SLC39A10: variants seen among roughly 807,000 people sequenced by gnomAD.
SLC39A10 encodes the protein zinc transporter ZIP10.
A neutral mutation model predicts 65.1 loss-of-function variants in SLC39A10; 13 were observed. The observed-to-expected ratio is 0.20, with a 90% CI of 0.13 to 0.32. The LOEUF (loss-of-function observed/expected upper bound fraction) is 0.32. Ranked by LOEUF, SLC39A10 falls within the 10% of genes least tolerant of loss-of-function variation. The probability of loss-of-function intolerance (pLI) is 1.00; values close to 1 mark genes in which losing one functional copy is unlikely to be tolerated. For missense variants in SLC39A10, 831 were observed against 1,018.4 expected, an observed-to-expected ratio of 0.82 and a Z score of 2.50; for synonymous variants, 321 against 342.2, an observed-to-expected ratio of 0.94 and a Z score of 0.68.
upstream of SLC39A10, chr2:195,656,817 C>A (rs186526206): frequency 3.3e-5 from 5 of 152,362 alleles, no homozygotes; most frequent in Non-Finnish European, 7.3e-5. Context: ...TCGCCTTGCC[C>A]AAGGCCTCAG....
chr2:195,641,112 G>A lies in SLC39A10; in HGVS notation c.-12+34879G>A, dbSNP rs115105837. ...AGACATCCTGGTGCAGGGAGCGGGAGATAAGTGGGCCACAAATGTAGCACA... is the reference window on the plus strand; with the variant it reads ...AGACATCCTGGTGCAGGGAGCGGGAAATAAGTGGGCCACAAATGTAGCACA... On this transcript the variant is annotated intron_variant, in intron 2 of 2. Coordinates refer to the SLC39A10 transcript ENST00000458054. Among the ~76,000 whole-genome samples, 360 of 152,356 alleles carry A rather than the reference G, an allele frequency of 2.4e-3. 6 individuals carry two copies. Among genetic ancestry groups the A allele is most frequent in the African/African-American group, 8.3e-3 (345 of 41,576 alleles).
chr2:195,664,583 A>C (rs1488598799), intron 1 of SLC39A10, among the ~76,000 whole-genome samples: 1 of 152,166 alleles, frequency 6.6e-6, no homozygotes, highest in Non-Finnish European at 1.5e-5. Flanking sequence ...GTAAAAGCTC[A>C]TATATGTTGG....
At chr2:195,694,693 G>A (rs925709252) in intron 3 of SLC39A10, among the ~76,000 whole-genome samples, 10 of 152,168 alleles carry the variant, frequency 6.6e-5, no homozygotes, top group Non-Finnish European at 1.3e-4. Flanking sequence ...CTTGATTTTA[G>A]TTTTGTTTGG....
At chr2:195,664,697 A>G (rs1472007976) in intron 1 of SLC39A10, among the ~76,000 whole-genome samples, 1 of 152,222 alleles carries the variant, frequency 6.6e-6, no homozygotes, top group Admixed American at 6.5e-5. Context: ...TGAGAGTGCT[A>G]TGATCATACT....
chr2:195,652,146 T>C (rs557066104), upstream of SLC39A10, among the ~76,000 whole-genome samples: 1 of 152,268 alleles, frequency 6.6e-6, no homozygotes, highest in South Asian at 2.1e-4. Context: ...GATTTTCTGA[T>C]TGGCAGTTGG....
At chr2:195,615,696 A>T (rs1688192193) in intron 2 of SLC39A10, among the ~76,000 whole-genome samples, 3 of 152,176 alleles carry the variant, frequency 2.0e-5, no homozygotes, top group Non-Finnish European at 4.4e-5. Flanking sequence ...CCCTAGAGAC[A>T]TGTGATTTTC....
Position 195,625,216 on chromosome 2 carries a change from C to CG in SLC39A10, c.-12+18983_-12+18984insG, listed in dbSNP as rs1553491753. On this transcript the variant is annotated intron_variant, in intron 2 of 2. Transcript: ENST00000458054. ...TGTGCGACAGAGGGACACTCTGTCT[C>CG]AAAAAAAAAGAAAGAAAGAAAGAAA... is the stretch of plus-strand genomic sequence containing the variant. 2.8e-3 allele frequency among the ~76,000 whole-genome samples: 300 copies of CG among 108,548 alleles called. 37 individuals carry two copies. In the East Asian group the frequency reaches 0.058, roughly 21 times the overall value. The allele number at this position is 108,548 out of a possible 152,430, so 71.2% of individuals were successfully genotyped here.
At chr2:195,730,780 G>T (rs1386168480) in intron 9 of SLC39A10, among the ~76,000 whole-genome samples, 3 of 152,120 alleles carry the variant, frequency 2.0e-5, no homozygotes, top group Non-Finnish European at 2.9e-5. Flanking sequence ...AGCTCTTGAC[G>T]TTGCCAACAC....
chr2:195,690,176 A>AT (rs1251865872), intron 3 of SLC39A10, among the ~76,000 whole-genome samples: 1 of 130,374 alleles, frequency 7.7e-6, no homozygotes, highest in East Asian at 2.0e-4. Context: ...ACTCTCTGAA[A>AT]AAAAAAAAAA....
intron 6 of SLC39A10, among the ~76,000 whole-genome samples, chr2:195,716,403 C>T (rs1691811280): frequency 6.6e-6 from 1 of 152,084 alleles, no homozygotes; most frequent in African/African-American, 2.4e-5. Flanking sequence ...TCCCCCCAAA[C>T]CCAATTTCTT....
At position 195,731,592 on chromosome 2, in the gene SLC39A10, C is replaced by T. The variant is rs182186186; in HGVS notation, c.2337+3243C>T. ...TTACATCTGTAACACTAGAAAGTTA[C>T]AGATACAAGAAGAATGAGTCTTTAC... On this transcript the variant is annotated intron_variant, in intron 9 of 9. Transcript: ENST00000359634. Among the ~76,000 whole-genome samples the T allele has an allele frequency of 1.1e-4, 16 of 152,150 alleles. No homozygotes were observed. The East Asian group carries it at 3.1e-3, about 29-fold the overall frequency.
upstream of SLC39A10, among the ~76,000 whole-genome samples, chr2:195,656,424 A>AT (rs998692166): frequency 4.6e-5 from 7 of 152,224 alleles, no homozygotes; most frequent in East Asian, 1.9e-4. Flanking sequence ...CTGGATCGGG[A>AT]TTTTTTTGTC....
At chr2:195,621,275 A>C (rs1405788156) in intron 2 of SLC39A10, among the ~76,000 whole-genome samples, 1 of 152,224 alleles carries the variant, frequency 6.6e-6, no homozygotes, top group Non-Finnish European at 1.5e-5. Flanking sequence ...TATGTAGTAC[A>C]TATAGATATA....
Position 195,683,826 on chromosome 2 carries a change from A to C in SLC39A10, c.1136A>C (p.His379Pro). The change falls in exon 3 of 10, where the codon CAT (histidine) becomes CCT (proline). Residue 379 changes from histidine to proline, a missense_variant. This residue lies in a region of SLC39A10 where 446 missense variants were observed against 499.2 expected (regional missense o/e 0.89). Coordinates refer to ENST00000359634, the MANE Select transcript of SLC39A10 (RefSeq NM_020342.3). The stretch of plus-strand genomic sequence containing the variant: ...ATCGACAGCAGACTTTGTATTGAGC[A>C]TTTTGACAAACTTTTAGTTGAAGAT... ...YQIDSRLCIE[H>P]FDKLLVEDIN... 1 of 1,613,392 alleles carries C rather than the reference A, an allele frequency of 6.2e-7. No homozygotes were observed. The highest frequency in any genetic ancestry group is 8.5e-7 in the Non-Finnish European group (1 of 1,179,510).
At chr2:195,636,707 C>G (rs534944769) in intron 2 of SLC39A10, among the ~76,000 whole-genome samples, 1 of 152,098 alleles carries the variant, frequency 6.6e-6, no homozygotes, top group Admixed American at 6.5e-5. Context: ...GAGCCTAGAT[C>G]GCGCCACTGC....
intron 2 of SLC39A10, among the ~76,000 whole-genome samples, chr2:195,625,472 T>G (rs1688453322): frequency 6.6e-6 from 1 of 151,766 alleles, no homozygotes; most frequent in South Asian, 2.1e-4. Context: ...AGACGGGGTT[T>G]CTCCATATTG....
intron 3 of SLC39A10, among the ~76,000 whole-genome samples, chr2:195,704,113 T>G (rs1483972897): frequency 6.6e-6 from 1 of 152,182 alleles, no homozygotes; most frequent in Non-Finnish European, 1.5e-5. Flanking sequence ...GTTCTGGCAG[T>G]CCCCATTCAC....
At chr2:195,624,055 G>A (rs1182893703) in intron 2 of SLC39A10, among the ~76,000 whole-genome samples, 1 of 152,090 alleles carries the variant, frequency 6.6e-6, no homozygotes, top group African/African-American at 2.4e-5. Context: ...TCATTTACCA[G>A]TCAAAATCTT....
intron 7 of SLC39A10, among the ~76,000 whole-genome samples, chr2:195,717,605 A>G (rs941607584): frequency 1.3e-5 from 2 of 151,836 alleles, no homozygotes; most frequent in Non-Finnish European, 2.9e-5. Context: ...TTTTTTAAAT[A>G]GAGACAGTCT....
Sources: allele counts gnomAD v4.1 joint callset (sites outside exome capture counted in the v4.1 genomes callset), GRCh38; gene constraint gnomAD v4.1.1; regional missense constraint gnomAD v4.1.1; transcripts MANE v1.5; gene names NCBI Gene and HGNC (gene_info 2026-07-23, HGNC 2026-07-21).